Variants in RBFOX1 observed in about 807,000 individuals in gnomAD.
RBFOX1 encodes RNA binding protein fox-1 homolog 1.
A neutral mutation model predicts 57.7 loss-of-function variants in RBFOX1; 8 were observed. The observed-to-expected ratio is 0.14, with a 90% CI of 0.08 to 0.25. RBFOX1 has a LOEUF of 0.25. Ranked by LOEUF, RBFOX1 falls within the 10% of genes least tolerant of loss-of-function variation. RBFOX1 has a pLI of 1.00. For synonymous variants in RBFOX1, 326 were observed against 222.4 expected (o/e 1.47, Z -4.15); for missense variants, 611 against 548.5 (o/e 1.11, Z -1.14).
chr16:7,197,608 A>G (rs1029006141), intron 4 of RBFOX1, among the ~76,000 whole-genome samples: 3 of 152,198 alleles, frequency 2.0e-5, no homozygotes, highest in South Asian at 2.1e-4. Context: ...CAAGTACTCA[A>G]ACAAAAATGT....
chr16:7,069,777 A>G (rs908169030), intron 4 of RBFOX1, among the ~76,000 whole-genome samples: 1 of 152,148 alleles, frequency 6.6e-6, no homozygotes, highest in Non-Finnish European at 1.5e-5. Context: ...AGTTGCCCAT[A>G]GTGGGCACTT....
At chr16:5,625,951 A>C (rs2048337623) in intron 3 of RBFOX1, among the ~76,000 whole-genome samples, 1 of 152,040 alleles carries the variant, frequency 6.6e-6, no homozygotes, top group African/African-American at 2.4e-5. Flanking sequence ...ATCTCAGCTC[A>C]CTGCACCCTC....
intron 4 of RBFOX1, among the ~76,000 whole-genome samples, chr16:5,985,923 C>A (rs954112886): frequency 6.6e-6 from 1 of 152,188 alleles, no homozygotes; most frequent in Admixed American, 6.5e-5. Context: ...TGCTACTTTT[C>A]ATCTTTTCAT....
intron 2 of RBFOX1, among the ~76,000 whole-genome samples, chr16:6,534,076 G>C: frequency 6.6e-6 from 1 of 152,004 alleles, no homozygotes; most frequent in East Asian, 1.9e-4. Context: ...AAACATATCT[G>C]CACATAAGGC....
intron 2 of RBFOX1, among the ~76,000 whole-genome samples, chr16:6,379,434 G>A (rs1305521466): frequency 6.6e-6 from 1 of 151,880 alleles, no homozygotes; most frequent in Non-Finnish European, 1.5e-5. Flanking sequence ...ACTTTCACTT[G>A]TCTCAGTGAA....
intron 1 of RBFOX1, among the ~76,000 whole-genome samples, chr16:6,082,069 T>C (rs2096009470): frequency 6.6e-6 from 1 of 152,122 alleles, no homozygotes; most frequent in South Asian, 2.1e-4. Context: ...TTGGTGTCTG[T>C]GTCTGTATAA....
chr16:7,438,685 T>C (rs145513365), intron 4 of RBFOX1, among the ~76,000 whole-genome samples: 304 of 152,318 alleles, frequency 2.0e-3, no homozygotes, highest in African/African-American at 7.0e-3. Context: ...TCCTTTAACG[T>C]GCTAAAGTCG....
chr16:6,578,341 A>C (rs57642840), intron 2 of RBFOX1, among the ~76,000 whole-genome samples: 2 of 152,180 alleles, frequency 1.3e-5, no homozygotes, highest in African/African-American at 4.8e-5. Context: ...TAGCGAAGCA[A>C]TGTCCCCGGG....
At chr16:6,664,120 T>G (rs914202794) in intron 3 of RBFOX1, among the ~76,000 whole-genome samples, 2 of 152,190 alleles carry the variant, frequency 1.3e-5, no homozygotes, top group Non-Finnish European at 2.9e-5. Flanking sequence ...CATGTTTATG[T>G]ATGACCTTTC....
chr16:5,715,770 C>A (rs1053337704), intron 3 of RBFOX1, among the ~76,000 whole-genome samples: 1 of 152,164 alleles, frequency 6.6e-6, no homozygotes, highest in African/African-American at 2.4e-5. Flanking sequence ...GAGAAGCCTG[C>A]GGCTGCGAGT....
At chr16:7,690,917 C>T (rs981242522) in intron 14 of RBFOX1, among the ~76,000 whole-genome samples, 3 of 152,094 alleles carry the variant, frequency 2.0e-5, no homozygotes, top group Non-Finnish European at 2.9e-5. Context: ...GTTGTCCTGA[C>T]ACTGCAGGCC....
intron 7 of RBFOX1, among the ~76,000 whole-genome samples, chr16:7,592,346 C>A (rs1403027522): frequency 6.6e-6 from 1 of 152,294 alleles, no homozygotes; most frequent in African/African-American, 2.4e-5. Flanking sequence ...CTCTTTCCAC[C>A]TTTGTCTTTC....
At chr16:7,495,327 T>C (rs2068268079) in intron 4 of RBFOX1, among the ~76,000 whole-genome samples, 3 of 152,250 alleles carry the variant, frequency 2.0e-5, no homozygotes, top group African/African-American at 4.8e-5. Context: ...CCTTTGGGTA[T>C]TTCCCCAGTC....
At chr16:7,223,283 C>T (rs755110292) in intron 4 of RBFOX1, among the ~76,000 whole-genome samples, 1 of 152,170 alleles carries the variant, frequency 6.6e-6, no homozygotes, top group African/African-American at 2.4e-5. Context: ...AGGTGAAACC[C>T]TGGGTGTCTC....
chr16:6,530,695 T>C (rs1307980119), intron 2 of RBFOX1, among the ~76,000 whole-genome samples: 1 of 152,120 alleles, frequency 6.6e-6, no homozygotes, highest in African/African-American at 2.4e-5. Flanking sequence ...CTTACATAGA[T>C]GGTGGCAGGT....
intron 2 of RBFOX1, among the ~76,000 whole-genome samples, chr16:6,412,515 G>C (rs1054653976): frequency 6.6e-6 from 1 of 152,142 alleles, no homozygotes; most frequent in Non-Finnish European, 1.5e-5. Context: ...GCGTTTACTA[G>C]ATTTGAGTTA....
intron 1 of RBFOX1, among the ~76,000 whole-genome samples, chr16:6,153,244 A>G (rs1375557778): frequency 3.9e-5 from 6 of 152,000 alleles, no homozygotes; most frequent in Admixed American, 3.9e-4. Context: ...CAGCATTCCT[A>G]TTTCCTCCAA....
At chr16:6,839,650 G>T (rs2079445804) in intron 3 of RBFOX1, among the ~76,000 whole-genome samples, 2 of 152,194 alleles carry the variant, frequency 1.3e-5, no homozygotes, top group Admixed American at 1.3e-4. Flanking sequence ...CACACAGCCT[G>T]TGTTTTTGCA....
intron 1 of RBFOX1, among the ~76,000 whole-genome samples, chr16:6,214,173 C>T (rs772533200): frequency 2.0e-5 from 3 of 152,206 alleles, no homozygotes; most frequent in African/African-American, 4.8e-5. Context: ...TACCTCTCTC[C>T]TTCTCTCCCA....
Sources: gnomAD v4.1 joint callset for allele counts (sites outside exome capture counted in the v4.1 genomes callset) on GRCh38, gnomAD v4.1.1 for gene constraint, MANE v1.5 for transcripts, NCBI Gene and HGNC (gene_info 2026-07-23, HGNC 2026-07-21) for gene names.